Variants in HS6ST3 observed in about 807,000 individuals in gnomAD.
HS6ST3 encodes the protein heparan-sulfate 6-O-sulfotransferase 3.
Under a neutral mutation model 36.7 loss-of-function variants are expected in HS6ST3, and 12 were observed. That is an observed-to-expected ratio of 0.33 (90% confidence interval 0.21 to 0.53). The LOEUF (loss-of-function observed/expected upper bound fraction) is 0.53, where lower values mean the gene tolerates loss of function less well. Among genes scored for constraint, HS6ST3 ranks in the 20% least tolerant of loss-of-function variants. The pLI is 0.95. For missense variants in HS6ST3, 584 were observed against 640.9 expected (o/e 0.91, Z 0.96); for synonymous variants, 240 against 257.5 (o/e 0.93, Z 0.65).
chr13:96,305,669 G>C (rs1258701286), intron 1 of HS6ST3, among the ~76,000 whole-genome samples: 1 of 152,006 alleles, frequency 6.6e-6, no homozygotes, highest in Non-Finnish European at 1.5e-5. Context: ...AACATCCTCA[G>C]TAGTTATACC....
chr13:96,245,252 A>G (rs932128322), intron 1 of HS6ST3, among the ~76,000 whole-genome samples: 2 of 152,208 alleles, frequency 1.3e-5, no homozygotes, highest in Non-Finnish European at 1.5e-5. Context: ...CAAAATTCAG[A>G]GAATTGACTT....
rs571691007 is a variant in HS6ST3, at chr13:96,532,583, G to T, written c.708-299907G>T. On this transcript the variant is annotated intron_variant, in intron 1 of 1. Coordinates refer to ENST00000376705, the MANE Select transcript of HS6ST3 (RefSeq NM_153456.4). ...AAATGCTTGACCTGAACTTCAGGAA[G>T]TAAAAAATTACTGAAAGCACGGAGA... is the stretch of plus-strand genomic sequence containing the variant. 3.3e-5 allele frequency among the ~76,000 whole-genome samples: 5 copies of T among 152,320 alleles called. No individual in the cohort carries two copies. The South Asian group carries it at 1.0e-3, about 32-fold the overall frequency.
At chr13:96,558,423 A>G (rs894293249) in intron 1 of HS6ST3, among the ~76,000 whole-genome samples, 2 of 152,198 alleles carry the variant, frequency 1.3e-5, no homozygotes, top group African/African-American at 4.8e-5. Context: ...AGATTTACTA[A>G]CTTGCCCTAA....
At chr13:96,494,267 A>G (rs2055961509) in intron 1 of HS6ST3, among the ~76,000 whole-genome samples, 1 of 151,936 alleles carries the variant, frequency 6.6e-6, no homozygotes, top group African/African-American at 2.4e-5. Context: ...GCTGGAAACC[A>G]TCATTCTCAG....
At chr13:96,427,115 A>G (rs1313635934) in intron 1 of HS6ST3, 1 of 154,376 alleles carries the variant, frequency 6.5e-6, no homozygotes, top group Non-Finnish European at 1.5e-5. Flanking sequence ...GAACGGATAT[A>G]CTTAGGTGAA....
intron 1 of HS6ST3, among the ~76,000 whole-genome samples, chr13:96,765,480 G>C (rs578058624): frequency 6.6e-6 from 1 of 152,190 alleles, no homozygotes; most frequent in East Asian, 1.9e-4. Context: ...GATTTCTCTG[G>C]AACTACCATT....
chr13:96,308,975 A>G (rs1006885163), intron 1 of HS6ST3, among the ~76,000 whole-genome samples: 1 of 152,118 alleles, frequency 6.6e-6, no homozygotes, highest in African/African-American at 2.4e-5. Flanking sequence ...TATTTGGCAT[A>G]TTTCCTCTAT....
intron 1 of HS6ST3, among the ~76,000 whole-genome samples, chr13:96,354,381 T>A (rs1287927116): frequency 6.6e-6 from 1 of 152,146 alleles, no homozygotes; most frequent in Non-Finnish European, 1.5e-5. Context: ...AAAACAGAGC[T>A]ATTGAGAAGT....
intron 1 of HS6ST3, among the ~76,000 whole-genome samples, chr13:96,723,537 A>G (rs72645513): frequency 0.04 from 6,017 of 152,242 alleles, 175 homozygotes; most frequent in Non-Finnish European, 0.061. Context: ...GCTGAACCTA[A>G]TTGTAACTGA....
At chr13:96,826,081 G>A (rs1271109278) in intron 1 of HS6ST3, among the ~76,000 whole-genome samples, 1 of 152,076 alleles carries the variant, frequency 6.6e-6, no homozygotes, top group Non-Finnish European at 1.5e-5. Flanking sequence ...GTGAAACATA[G>A]GTTCTTGAAA....
At chr13:96,139,777 G>A (rs866794469) in intron 1 of HS6ST3, among the ~76,000 whole-genome samples, 2 of 151,886 alleles carry the variant, frequency 1.3e-5, no homozygotes, top group Non-Finnish European at 2.9e-5. Flanking sequence ...TGCCTACCTT[G>A]TGTTAGTAGG....
At chr13:96,488,910 G>A (rs2055930524) in intron 1 of HS6ST3, among the ~76,000 whole-genome samples, 1 of 151,662 alleles carries the variant, frequency 6.6e-6, no homozygotes, top group Admixed American at 6.6e-5. Flanking sequence ...CTACTTCTTG[G>A]GGAAAATAGA....
At chr13:96,733,749 G>T (rs531970274) in intron 1 of HS6ST3, among the ~76,000 whole-genome samples, 1 of 152,112 alleles carries the variant, frequency 6.6e-6, no homozygotes, top group African/African-American at 2.4e-5. Flanking sequence ...TTGGCATACC[G>T]TGAGCTCTGG....
intron 1 of HS6ST3, among the ~76,000 whole-genome samples, chr13:96,529,620 G>A (rs1027385862): frequency 6.6e-6 from 1 of 151,952 alleles, no homozygotes; most frequent in South Asian, 2.1e-4. Flanking sequence ...AACATGTTGA[G>A]TCTTGATCTT....
At chr13:96,497,965 CAG>C (rs1210456375) in intron 1 of HS6ST3, among the ~76,000 whole-genome samples, 1 of 152,158 alleles carries the variant, frequency 6.6e-6, no homozygotes, top group Non-Finnish European at 1.5e-5. Context: ...GAGAGAATCA[CAG>C]AGTGATTGCC....
intron 1 of HS6ST3, among the ~76,000 whole-genome samples, chr13:96,530,008 G>C (rs937823404): frequency 6.6e-5 from 10 of 152,166 alleles, no homozygotes; most frequent in Admixed American, 6.5e-4. Context: ...ACTTGGGGCT[G>C]ATCTTCAAGT....
chr13:96,739,296 C>T (rs1367796848), intron 1 of HS6ST3, among the ~76,000 whole-genome samples: 1 of 147,026 alleles, frequency 6.8e-6, no homozygotes, highest in Non-Finnish European at 1.5e-5. Context: ...GGGGATTCTC[C>T]TCCAATTTCA....
chr13:96,182,079 T>C (rs1424427908), intron 1 of HS6ST3, among the ~76,000 whole-genome samples: 1 of 152,204 alleles, frequency 6.6e-6, no homozygotes, highest in African/African-American at 2.4e-5. Flanking sequence ...TGAAATGATG[T>C]AACTAGTTGG....
chr13:96,735,554 T>G (rs1314696417), intron 1 of HS6ST3, among the ~76,000 whole-genome samples: 1 of 152,180 alleles, frequency 6.6e-6, no homozygotes, highest in Non-Finnish European at 1.5e-5. Context: ...CAGAGTGCCA[T>G]ATCCTAAGGA....
Sources: allele counts gnomAD v4.1 joint callset (sites outside exome capture counted in the v4.1 genomes callset), GRCh38; gene constraint gnomAD v4.1.1; transcripts MANE v1.5; gene names NCBI Gene and HGNC (gene_info 2026-07-23, HGNC 2026-07-21).